PCDHA7: variants seen among roughly 807,000 people sequenced by gnomAD.
PCDHA7 encodes the protein protocadherin alpha 7.
In PCDHA7, 37 loss-of-function variants were observed where a neutral mutation model predicts 57.2. The ratio of observed to expected loss-of-function variants is 0.65; its 90% CI spans 0.50 to 0.85. The LOEUF is 0.85. PCDHA7 is among the 40% of genes least tolerant of loss of function. The pLI is 0.00. For synonymous variants in PCDHA7, 553 were observed against 558.8 expected, an observed-to-expected ratio of 0.99 and a Z score of 0.15; for missense variants, 1,188 against 1,241.8, an observed-to-expected ratio of 0.96 and a Z score of 0.65.
intron 3 of PCDHA7, among the ~76,000 whole-genome samples, chr5:140,998,139 G>C (rs1354714500): frequency 2.0e-5 from 3 of 152,176 alleles, no homozygotes; most frequent in Non-Finnish European, 4.4e-5. Flanking sequence ...TAGCTAACCT[G>C]TACTGAACAG....
intron 3 of PCDHA7, among the ~76,000 whole-genome samples, chr5:140,992,490 G>A (rs2097515419): frequency 6.6e-6 from 1 of 152,196 alleles, no homozygotes; most frequent in Non-Finnish European, 1.5e-5. Flanking sequence ...AGGCCAATCT[G>A]TAAGGATTCA....
At chr5:140,928,134 G>T in intron 1 of PCDHA7, 1 of 1,614,180 alleles carries the variant, frequency 6.2e-7, no homozygotes, top group Non-Finnish European at 8.5e-7. Flanking sequence ...ACCAAGTCCT[G>T]ATCACGGCCT....
intron 1 of PCDHA7, among the ~76,000 whole-genome samples, chr5:140,838,173 GTGCAATCTCAGCTCACT>G (rs1395754886): frequency 2.7e-5 from 4 of 149,160 alleles, no homozygotes; most frequent in African/African-American, 9.9e-5. Context: ...GAGTGCAGTG[GTGCAATCTCAGCTCACT>G]GCAAAATCCG....
At chr5:140,884,533 G>T in intron 1 of PCDHA7, 1 of 1,614,082 alleles carries the variant, frequency 6.2e-7, no homozygotes, top group Non-Finnish European at 8.5e-7. Flanking sequence ...AGCAGAGGCG[G>T]CCGAGGGTGT....
intron 1 of PCDHA7, among the ~76,000 whole-genome samples, chr5:140,947,220 T>A (rs531697572): frequency 6.6e-6 from 1 of 151,686 alleles, no homozygotes; most frequent in East Asian, 1.9e-4. Flanking sequence ...ATCCTGTCAT[T>A]TATGACAGGA....
In PCDHA7 at chr5:141,010,166, A is replaced by G; in HGVS notation, c.*229A>G. 1 of 1,562,828 alleles carries G rather than the reference A, an allele frequency of 6.4e-7. No homozygotes were observed. The highest frequency in any genetic ancestry group is 8.7e-7 in the Non-Finnish European group (1 of 1,152,678). ...TCTCTCCACTCTGGCTTGTTTTCAG[A>G]ACCTAAAAAGCAGACCCAAGTTTCC... On this transcript the variant is annotated 3_prime_UTR_variant, in exon 4 of 4. Transcript: ENST00000525929.
chr5:140,883,851 T>C, intron 1 of PCDHA7: 1 of 1,612,946 alleles, frequency 6.2e-7, no homozygotes, highest in African/African-American at 1.3e-5. Context: ...CACGAGGAGC[T>C]GGAGCTGTTG....
At chr5:140,995,410 T>C (rs555899259) in intron 3 of PCDHA7, among the ~76,000 whole-genome samples, 1 of 152,310 alleles carries the variant, frequency 6.6e-6, no homozygotes, top group Non-Finnish European at 1.5e-5. Flanking sequence ...CGAGATTTCA[T>C]CACATTACTC....
intron 3 of PCDHA7, among the ~76,000 whole-genome samples, chr5:140,984,397 G>A (rs1400095442): frequency 1.3e-5 from 2 of 152,112 alleles, no homozygotes; most frequent in African/African-American, 4.8e-5. Context: ...AAAATGTTGA[G>A]AACCTATCTT....
chr5:140,972,201 G>A (rs1554233905), intron 1 of PCDHA7, among the ~76,000 whole-genome samples: 1 of 152,058 alleles, frequency 6.6e-6, no homozygotes, highest in African/African-American at 2.4e-5. Flanking sequence ...GAGTATAGGT[G>A]TGAATATGGC....
chr5:140,956,497 A>G (rs2095288493), intron 1 of PCDHA7, among the ~76,000 whole-genome samples: 2 of 152,190 alleles, frequency 1.3e-5, no homozygotes, highest in Admixed American at 1.3e-4. Flanking sequence ...CCAGGGATGA[A>G]GCCTACTTGA....
At chr5:140,843,503 A>C in intron 1 of PCDHA7, 1 of 1,595,796 alleles carries the variant, frequency 6.3e-7, no homozygotes. Flanking sequence ...AGCACTGCCC[A>C]CTGAGGGCGG....
In PCDHA7 at chr5:140,869,379, C is replaced by G. The variant is rs1554162987; in HGVS notation, c.2355+32641C>G. The G allele has an allele frequency of 1.9e-6, 3 of 1,614,122 alleles. No individual in the cohort carries two copies. The South Asian group carries it at 3.3e-5, about 18-fold the overall frequency. ...TGTTTGTGAATTCTCGGATCGACCG[C>G]GAGGAGCTGTGCGGGCAGAGCGCGG... On this transcript the variant is annotated intron_variant, in intron 1 of 3. Coordinates refer to ENST00000525929, the MANE Select transcript of PCDHA7 (RefSeq NM_018910.3).
At position 140,845,457 on chromosome 5, in the gene PCDHA7, T is replaced by C. The variant is rs1172652136; in HGVS notation, c.2355+8719T>C. 2.0e-5 allele frequency among the ~76,000 whole-genome samples: 3 copies of C among 149,680 alleles called. 1 individual carries two copies. The highest frequency in any genetic ancestry group is 4.5e-5 in the Non-Finnish European group (3 of 66,882). ...TTAGTTCTGTTTTTCTTCAACTCTC[T>C]GATATTTGAATTTGGGGTTGTGCTT... On this transcript the variant is annotated intron_variant, in intron 1 of 3. Coordinates refer to ENST00000525929, the MANE Select transcript of PCDHA7 (RefSeq NM_018910.3).
intron 1 of PCDHA7, among the ~76,000 whole-genome samples, chr5:140,874,557 G>A (rs782715249): frequency 9.9e-5 from 15 of 152,144 alleles, no homozygotes; most frequent in Non-Finnish European, 1.6e-4. Flanking sequence ...GAGATCTTTC[G>A]CATTTTAGTG....
intron 1 of PCDHA7, among the ~76,000 whole-genome samples, chr5:140,918,552 A>G (rs1554198667): frequency 6.6e-6 from 1 of 152,206 alleles, no homozygotes; most frequent in Admixed American, 6.5e-5. Context: ...TGTGCAATTG[A>G]GAAGAATGTA....
chr5:140,883,378 C>A, intron 1 of PCDHA7: 1 of 1,614,146 alleles, frequency 6.2e-7, no homozygotes. Context: ...CCATTATTGC[C>A]CTAATCAGTG....
In PCDHA7 at chr5:140,858,360, G is replaced by A. The variant is rs782369682; in HGVS notation, c.2355+21622G>A. The stretch of plus-strand genomic sequence containing the variant: ...CCCAAGGCGGACCTCATGGCCTTCA[G>A]CCCCAGCCTTCCACCATGCCCAATG... On this transcript the variant is annotated intron_variant, in intron 1 of 3. Coordinates refer to ENST00000525929, the MANE Select transcript of PCDHA7 (RefSeq NM_018910.3). 3 of 1,592,532 alleles carry A rather than the reference G, an allele frequency of 1.9e-6. No homozygotes were observed. The South Asian group carries it at 3.3e-5, about 18-fold the overall frequency.
At chr5:140,850,110 G>T in intron 1 of PCDHA7, 1 of 1,596,146 alleles carries the variant, frequency 6.3e-7, no homozygotes, top group South Asian at 1.1e-5. Flanking sequence ...GAGCGCGCGC[G>T]ACGCGGGCGT....
Sources: allele counts gnomAD v4.1 joint callset (sites outside exome capture counted in the v4.1 genomes callset), GRCh38; gene constraint gnomAD v4.1.1; transcripts MANE v1.5; gene names NCBI Gene and HGNC (gene_info 2026-07-23, HGNC 2026-07-21).